SPAG16: variants seen among roughly 807,000 people sequenced by gnomAD.
The protein encoded by SPAG16 is sperm-associated antigen 16 protein.
SPAG16 carries 86 observed loss-of-function variants against 80.4 expected under a neutral mutation model. The observed-to-expected ratio is 1.07, with a 90% CI of 0.90 to 1.28. SPAG16 has a LOEUF of 1.28. Among genes scored for constraint, SPAG16 ranks in the 50% most tolerant of loss-of-function variants. SPAG16 has a pLI of 0.00. For synonymous variants in SPAG16, 294 were observed against 265.9 expected (o/e 1.11, Z -1.03); for missense variants, 870 against 765.3 (o/e 1.14, Z -1.61).
At chr2:213,342,476 A>G (rs1420551181) in intron 6 of SPAG16, among the ~76,000 whole-genome samples, 1 of 151,094 alleles carries the variant, frequency 6.6e-6, no homozygotes, top group Non-Finnish European at 1.5e-5. Context: ...TGAGTGTCAT[A>G]TTAATACACA....
intron 12 of SPAG16, among the ~76,000 whole-genome samples, chr2:213,976,904 C>T (rs1346990690): frequency 2.0e-5 from 3 of 152,086 alleles, no homozygotes; most frequent in African/African-American, 7.2e-5. Context: ...TCAGCCTTGA[C>T]AAACCCACAG....
chr2:214,289,169 A>C (rs1250336725), intron 15 of SPAG16, among the ~76,000 whole-genome samples: 1 of 152,132 alleles, frequency 6.6e-6, no homozygotes, highest in Non-Finnish European at 1.5e-5. Flanking sequence ...ATAGCTGGCA[A>C]ATATTTTCTC....
At chr2:213,296,332 TTAA>T (rs2126070467) in intron 2 of SPAG16, among the ~76,000 whole-genome samples, 1 of 152,318 alleles carries the variant, frequency 6.6e-6, no homozygotes, top group East Asian at 1.9e-4. Flanking sequence ...GATTTTCCTG[TTAA>T]TCGTCCTTCA....
At chr2:213,881,468 A>G (rs1006824412) in intron 11 of SPAG16, among the ~76,000 whole-genome samples, 3 of 152,148 alleles carry the variant, frequency 2.0e-5, no homozygotes, top group Non-Finnish European at 4.4e-5. Flanking sequence ...GTCTGTTTTT[A>G]TACTGCTATA....
chr2:213,377,506 A>G (rs2066936027), intron 9 of SPAG16, among the ~76,000 whole-genome samples: 1 of 152,188 alleles, frequency 6.6e-6, no homozygotes, highest in Non-Finnish European at 1.5e-5. Context: ...TTTATGTAAC[A>G]CAAATGCTCC....
chr2:214,095,819 A>G (rs901144790), intron 13 of SPAG16, among the ~76,000 whole-genome samples: 5 of 152,044 alleles, frequency 3.3e-5, no homozygotes, highest in African/African-American at 7.2e-5. Flanking sequence ...AGAGTTAAAC[A>G]TTTGTTAAGA....
At chr2:213,799,689 A>G (rs1292020930) in intron 10 of SPAG16, among the ~76,000 whole-genome samples, 1 of 152,122 alleles carries the variant, frequency 6.6e-6, no homozygotes, top group Non-Finnish European at 1.5e-5. Context: ...TTTATAGAAA[A>G]TATAACATAA....
chr2:213,755,159 A>G (rs1006500554), intron 10 of SPAG16, among the ~76,000 whole-genome samples: 5 of 152,156 alleles, frequency 3.3e-5, no homozygotes, highest in African/African-American at 1.2e-4. Flanking sequence ...TTGCAGGTTC[A>G]GTGTATTTTT....
chr2:213,313,070 A>G (rs1369274516), intron 4 of SPAG16, among the ~76,000 whole-genome samples: 4 of 151,880 alleles, frequency 2.6e-5, no homozygotes, highest in Non-Finnish European at 4.4e-5. Context: ...GCTTCTAGTT[A>G]TATGTCCCAT....
intron 15 of SPAG16, among the ~76,000 whole-genome samples, chr2:214,167,488 C>T (rs919870154): frequency 2.0e-5 from 3 of 152,050 alleles, no homozygotes; most frequent in African/African-American, 7.2e-5. Context: ...ATTCTGTTCT[C>T]CCTATAAATC....
At chr2:213,553,543 C>A (rs1214517314) in intron 10 of SPAG16, among the ~76,000 whole-genome samples, 1 of 152,146 alleles carries the variant, frequency 6.6e-6, no homozygotes, top group Non-Finnish European at 1.5e-5. Context: ...GCACGCTCCT[C>A]CCCTTCAAGA....
intron 15 of SPAG16, among the ~76,000 whole-genome samples, chr2:214,233,670 C>T (rs568584031): frequency 6.6e-6 from 1 of 152,162 alleles, no homozygotes; most frequent in East Asian, 1.9e-4. Flanking sequence ...TATCTGCCCA[C>T]TGAGGTAATA....
intron 13 of SPAG16, among the ~76,000 whole-genome samples, chr2:214,043,328 A>G (rs2049137172): frequency 6.6e-6 from 1 of 152,172 alleles, no homozygotes. Context: ...AGTGCATTTC[A>G]GAGATTAAGT....
At chr2:213,406,940 A>G (rs1414027015) in intron 9 of SPAG16, among the ~76,000 whole-genome samples, 1 of 130,272 alleles carries the variant, frequency 7.7e-6, no homozygotes, top group Non-Finnish European at 1.5e-5. Flanking sequence ...CGGATTTAAA[A>G]AAAAAAAAAA....
intron 5 of SPAG16, chr2:213,318,030 C>G (rs1241993677): frequency 1.3e-5 from 2 of 152,026 alleles, no homozygotes; most frequent in Admixed American, 1.3e-4. Flanking sequence ...TCCCACCAAC[C>G]ATGTATGAGT....
chr2:213,627,169 A>T lies in SPAG16; in HGVS notation c.1070+137079A>T, dbSNP rs577415052. 3.9e-5 allele frequency among the ~76,000 whole-genome samples: 6 copies of T among 152,240 alleles called. No individual in the cohort carries two copies. In the South Asian group the frequency reaches 1.2e-3, roughly 32 times the overall value. Reference sequence around the variant, plus strand: ...CAGTGTCAGTACAGTATTATGAGACAAGATAGGATAGAAGCGGGATCCTCA... The same window carrying T: ...CAGTGTCAGTACAGTATTATGAGACTAGATAGGATAGAAGCGGGATCCTCA... On this transcript the variant is annotated intron_variant, in intron 10 of 15. Coordinates refer to ENST00000331683, the MANE Select transcript of SPAG16 (RefSeq NM_024532.5).
rs565700211 is a variant in SPAG16 at position 213,393,669 on chromosome 2, G to A, written c.942+18550G>A. Among the ~76,000 whole-genome samples, 12 of 151,882 alleles carry A rather than the reference G, an allele frequency of 7.9e-5. No homozygotes were observed. In the East Asian group the frequency reaches 2.3e-3, roughly 29 times the overall value. On this transcript the variant is annotated intron_variant, in intron 9 of 15. Transcript: ENST00000331683. Reference sequence around the variant, plus strand: ...CCTAGGGGTGGAATTGGGGATGAGGGTTTTATGAAATAGTGTCATTTTTTT... The same window carrying A: ...CCTAGGGGTGGAATTGGGGATGAGGATTTTATGAAATAGTGTCATTTTTTT...
intron 12 of SPAG16, among the ~76,000 whole-genome samples, chr2:214,007,075 A>G (rs921949066): frequency 3.3e-5 from 5 of 152,242 alleles, no homozygotes; most frequent in Non-Finnish European, 7.3e-5. Context: ...TATAGATGTA[A>G]GGACACATAT....
At chr2:213,725,991 G>T (rs924594490) in intron 10 of SPAG16, among the ~76,000 whole-genome samples, 1 of 152,034 alleles carries the variant, frequency 6.6e-6, no homozygotes, top group Non-Finnish European at 1.5e-5. Context: ...TCTCTTTTTC[G>T]GCATTTCTCA....
Sources: allele counts gnomAD v4.1 joint callset (sites outside exome capture counted in the v4.1 genomes callset), GRCh38; gene constraint gnomAD v4.1.1; transcripts MANE v1.5; gene names NCBI Gene and HGNC (gene_info 2026-07-23, HGNC 2026-07-21).